Variants in CWC27 observed in about 807,000 individuals in gnomAD.
The protein encoded by CWC27 is CWC27 spliceosome associated cyclophilin.
In CWC27, 47 loss-of-function variants were observed where a neutral mutation model predicts 63.6. The observed-to-expected ratio is 0.74, with a 90% CI of 0.58 to 0.94. CWC27 has a LOEUF of 0.94. CWC27 is among the 40% of genes least tolerant of loss of function. The pLI, the probability that CWC27 is intolerant of heterozygous loss-of-function variation, is 0.00. For synonymous variants in CWC27, 175 were observed against 179.8 expected (o/e 0.97, Z 0.22); for missense variants, 495 against 554.3 (o/e 0.89, Z 1.07).
At chr5:64,841,628 C>A (rs1403016094) in intron 10 of CWC27, among the ~76,000 whole-genome samples, 1 of 152,062 alleles carries the variant, frequency 6.6e-6, no homozygotes, top group Non-Finnish European at 1.5e-5. Context: ...TTTTTTATAT[C>A]TTTGTTACCT....
intron 11 of CWC27, among the ~76,000 whole-genome samples, chr5:64,947,212 C>T (rs1196776485): frequency 6.6e-6 from 1 of 152,088 alleles, no homozygotes; most frequent in Non-Finnish European, 1.5e-5. Context: ...GTAGGGTTGG[C>T]ACCAGTTCAA....
intron 11 of CWC27, among the ~76,000 whole-genome samples, chr5:64,906,621 G>A (rs1747647050): frequency 6.6e-6 from 1 of 152,098 alleles, no homozygotes; most frequent in Admixed American, 6.5e-5. Flanking sequence ...TCTGTAGGTT[G>A]CGTATTCACT....
intron 10 of CWC27, among the ~76,000 whole-genome samples, chr5:64,841,491 T>G (rs1205978342): frequency 1.3e-5 from 2 of 152,164 alleles, no homozygotes; most frequent in South Asian, 2.1e-4. Flanking sequence ...GAATATACCC[T>G]TACCCACCTA....
intron 13 of CWC27, among the ~76,000 whole-genome samples, chr5:64,988,014 T>A (rs1318397146): frequency 6.6e-6 from 1 of 152,206 alleles, no homozygotes; most frequent in Non-Finnish European, 1.5e-5. Context: ...AATTATTTTA[T>A]CCTCAACACA....
chr5:64,847,910 A>T (rs896734417), intron 10 of CWC27, among the ~76,000 whole-genome samples: 2 of 152,016 alleles, frequency 1.3e-5, no homozygotes, highest in East Asian at 1.9e-4. Flanking sequence ...GCAAAAAAAA[A>T]ATATCAAAAA....
At chr5:64,816,516 C>T (rs1393112490) in intron 10 of CWC27, among the ~76,000 whole-genome samples, 4 of 152,142 alleles carry the variant, frequency 2.6e-5, no homozygotes, top group Admixed American at 6.6e-5. Context: ...AGCCCTCTTT[C>T]GTACCTGCCT....
intron 11 of CWC27, among the ~76,000 whole-genome samples, chr5:64,941,094 A>G (rs949490960): frequency 1.3e-5 from 2 of 151,930 alleles, no homozygotes; most frequent in Admixed American, 1.3e-4. Flanking sequence ...GATCTGGCCC[A>G]TGTTATTTTG....
intron 13 of CWC27, among the ~76,000 whole-genome samples, chr5:65,005,348 C>T (rs1196700148): frequency 6.6e-6 from 1 of 151,970 alleles, no homozygotes; most frequent in African/African-American, 2.4e-5. Context: ...ATCCCTGGGC[C>T]CCAGGATGGC....
At chr5:64,817,438 A>G (rs538641523) in intron 10 of CWC27, among the ~76,000 whole-genome samples, 1 of 152,258 alleles carries the variant, frequency 6.6e-6, no homozygotes, top group South Asian at 2.1e-4. Context: ...ACAACAACAA[A>G]ACCTCAGTAG....
intron 10 of CWC27, among the ~76,000 whole-genome samples, chr5:64,816,807 C>T (rs1745045209): frequency 2.0e-5 from 3 of 151,980 alleles, no homozygotes; most frequent in Admixed American, 1.3e-4. Context: ...AGGGAGGAAA[C>T]GAATGGCTGC....
intron 13 of CWC27, among the ~76,000 whole-genome samples, chr5:65,003,262 G>A (rs569472556): frequency 1.3e-5 from 2 of 152,280 alleles, no homozygotes; most frequent in South Asian, 2.1e-4. Flanking sequence ...TTTAAGCAGC[G>A]AATTTAATGT....
intron 11 of CWC27, among the ~76,000 whole-genome samples, chr5:64,917,620 C>G (rs1747915861): frequency 6.7e-6 from 1 of 149,282 alleles, no homozygotes; most frequent in Non-Finnish European, 1.5e-5. Flanking sequence ...TGGCCCTCAT[C>G]CAATCAATTG....
chr5:64,855,110 C>A lies in CWC27; in HGVS notation c.939-30333C>A, dbSNP rs187077499. 3.3e-5 allele frequency among the ~76,000 whole-genome samples: 5 copies of A among 152,122 alleles called. No individual in the cohort carries two copies. In the East Asian group the frequency reaches 9.6e-4, roughly 29 times the overall value. ...GTGGTCATGTTTAAACTTTTGCTAT[C>A]TTTAATAAATGCTTGGTAACCTCAA... On this transcript the variant is annotated intron_variant, in intron 10 of 13. Coordinates refer to ENST00000381070, the MANE Select transcript of CWC27 (RefSeq NM_005869.4).
At chr5:64,799,201 C>T (rs1285744067) in intron 7 of CWC27, among the ~76,000 whole-genome samples, 1 of 152,140 alleles carries the variant, frequency 6.6e-6, no homozygotes, top group East Asian at 1.9e-4. Flanking sequence ...TAAAATGGGG[C>T]TAATAATTCC....
chr5:64,888,464 A>G (rs1747131798), intron 11 of CWC27, among the ~76,000 whole-genome samples: 1 of 147,536 alleles, frequency 6.8e-6, no homozygotes, highest in Non-Finnish European at 1.5e-5. Context: ...TTTTGGGATT[A>G]TAACACTATA....
At chr5:64,987,460 C>A (rs1344878036) in intron 13 of CWC27, among the ~76,000 whole-genome samples, 3 of 152,172 alleles carry the variant, frequency 2.0e-5, no homozygotes, top group Non-Finnish European at 4.4e-5. Flanking sequence ...TCTCAGCTGT[C>A]AAACACATTT....
chr5:64,775,507 C>A (rs1343395265), intron 2 of CWC27, among the ~76,000 whole-genome samples: 1 of 152,128 alleles, frequency 6.6e-6, no homozygotes, highest in Non-Finnish European at 1.5e-5. Flanking sequence ...CACTTTCATA[C>A]ATGTCCTCAT....
intron 11 of CWC27, among the ~76,000 whole-genome samples, chr5:64,909,682 ATTTGATCTTC>A: frequency 6.6e-6 from 1 of 152,100 alleles, no homozygotes; most frequent in South Asian, 2.1e-4. Context: ...TATTTCATTA[ATTTGATCTTC>A]AGTCACTGAT....
chr5:64,845,302 GACAATAAC>G (rs1745947095), intron 10 of CWC27, among the ~76,000 whole-genome samples: 1 of 152,118 alleles, frequency 6.6e-6, no homozygotes, highest in Non-Finnish European at 1.5e-5. Flanking sequence ...CAAATGCATA[GACAATAAC>G]ACAAGGACAC....
Sources: allele counts gnomAD v4.1 joint callset (sites outside exome capture counted in the v4.1 genomes callset), GRCh38; gene constraint gnomAD v4.1.1; transcripts MANE v1.5; gene names NCBI Gene and HGNC (gene_info 2026-07-23, HGNC 2026-07-21).